CFAP61: variants seen among roughly 807,000 people sequenced by gnomAD.
CFAP61 encodes the protein cilia- and flagella-associated protein 61.
In CFAP61, 107 loss-of-function variants were observed where a neutral mutation model predicts 135.6. That is an observed-to-expected ratio of 0.79 (90% CI 0.67 to 0.93). The LOEUF is 0.93. CFAP61 is among the 40% of genes least tolerant of loss of function. The probability of loss-of-function intolerance (pLI) is 0.00; values close to 1 mark genes in which losing one functional copy is unlikely to be tolerated. For synonymous variants in CFAP61, 575 were observed against 578.5 expected (o/e 0.99, Z 0.09); for missense variants, 1,507 against 1,556.2 (o/e 0.97, Z 0.53).
chr20:20,145,400 A>G (rs1461897768), intron 9 of CFAP61, among the ~76,000 whole-genome samples: 9 of 152,208 alleles, frequency 5.9e-5, no homozygotes, highest in South Asian at 2.1e-4. Flanking sequence ...TAATAAGCCT[A>G]TAGTTGAGAT....
intron 13 of CFAP61, chr20:20,171,893 G>A: frequency 3.2e-6 from 2 of 622,706 alleles, no homozygotes; most frequent in Non-Finnish European, 5.8e-6. Flanking sequence ...TGTGCTCAGA[G>A]CTAGCTCGGA....
intron 3 of CFAP61, among the ~76,000 whole-genome samples, chr20:20,072,878 G>C (rs1414631236): frequency 3.9e-5 from 6 of 152,024 alleles, no homozygotes; most frequent in Non-Finnish European, 7.4e-5. Context: ...AATATATTAG[G>C]TTAAATATTA....
intron 25 of CFAP61, among the ~76,000 whole-genome samples, chr20:20,318,122 G>A (rs1440504898): frequency 6.6e-6 from 1 of 152,186 alleles, no homozygotes; most frequent in Non-Finnish European, 1.5e-5. Context: ...CCTCAGGACA[G>A]ATCTGCAAGT....
intron 8 of CFAP61, among the ~76,000 whole-genome samples, chr20:20,106,001 T>TATAC (rs1491391097): frequency 0.32 from 2,078 of 6,562 alleles, 202 homozygotes; most frequent in Non-Finnish European, 0.35. Flanking sequence ...TACTCTTGCC[T>TATAC]ATATATATAT....
chr20:20,213,009 G>C (rs2047767960), intron 17 of CFAP61, among the ~76,000 whole-genome samples: 1 of 152,118 alleles, frequency 6.6e-6, no homozygotes, highest in South Asian at 2.1e-4. Context: ...GGGAGGGGAG[G>C]GTGGGAACAG....
At chr20:20,157,592 C>T (rs762299441) in intron 9 of CFAP61, among the ~76,000 whole-genome samples, 37 of 152,134 alleles carry the variant, frequency 2.4e-4, no homozygotes, top group Non-Finnish European at 4.3e-4. Flanking sequence ...CAATCCATAC[C>T]TCACACCATA....
At chr20:20,092,346 C>T (rs2047261225) in intron 7 of CFAP61, among the ~76,000 whole-genome samples, 1 of 152,132 alleles carries the variant, frequency 6.6e-6, no homozygotes, top group Non-Finnish European at 1.5e-5. Flanking sequence ...ATCAGAAGGC[C>T]CAGCCTATTG....
At chr20:20,094,122 T>C (rs1025922314) in intron 7 of CFAP61, among the ~76,000 whole-genome samples, 8 of 152,344 alleles carry the variant, frequency 5.3e-5, no homozygotes, top group East Asian at 3.9e-4. Context: ...AAGGTGACAA[T>C]TGGCCCCTGG....
intron 18 of CFAP61, among the ~76,000 whole-genome samples, chr20:20,237,343 G>T (rs371377201): frequency 6.6e-6 from 1 of 152,114 alleles, no homozygotes; most frequent in Non-Finnish European, 1.5e-5. Flanking sequence ...GTTTCTCCAG[G>T]TCGCATCCTC....
chr20:20,250,756 A>G (rs1166979820), intron 19 of CFAP61, among the ~76,000 whole-genome samples: 2 of 152,238 alleles, frequency 1.3e-5, no homozygotes, highest in Non-Finnish European at 2.9e-5. Flanking sequence ...CCTGAGGTCA[A>G]TCCTTTCAGA....
At chr20:20,063,082 A>T (rs1392683889) in intron 2 of CFAP61, among the ~76,000 whole-genome samples, 1 of 152,246 alleles carries the variant, frequency 6.6e-6, no homozygotes, top group Non-Finnish European at 1.5e-5. Context: ...CATTAAATTG[A>T]ATCGTTAGTT....
chr20:20,284,444 C>T (rs777515695), intron 22 of CFAP61, among the ~76,000 whole-genome samples: 7 of 152,052 alleles, frequency 4.6e-5, no homozygotes, highest in Non-Finnish European at 1.0e-4. Context: ...TGCCACCACA[C>T]CCGGCTATTT....
intron 25 of CFAP61, among the ~76,000 whole-genome samples, chr20:20,313,789 G>A (rs2056961796): frequency 6.6e-6 from 1 of 152,194 alleles, no homozygotes; most frequent in Non-Finnish European, 1.5e-5. Context: ...AAGCTGGGGA[G>A]TTCAACAGTG....
At chr20:20,356,160 G>T (rs1216792355) in intron 26 of CFAP61, among the ~76,000 whole-genome samples, 1 of 140,474 alleles carries the variant, frequency 7.1e-6, no homozygotes, top group Non-Finnish European at 1.6e-5. Context: ...ACACTGAGGG[G>T]AAGTGGTCAC....
intron 18 of CFAP61, among the ~76,000 whole-genome samples, chr20:20,230,848 G>A (rs1309168978): frequency 2.6e-5 from 4 of 152,152 alleles, no homozygotes; most frequent in Admixed American, 1.3e-4. Context: ...GGGCCACAGC[G>A]CCCTGCTGCC....
intron 25 of CFAP61, among the ~76,000 whole-genome samples, chr20:20,332,749 G>A (rs1473691981): frequency 2.6e-5 from 4 of 151,990 alleles, no homozygotes; most frequent in Non-Finnish European, 5.9e-5. Flanking sequence ...CAAATAGCTA[G>A]GACTACAGGC....
intron 26 of CFAP61, among the ~76,000 whole-genome samples, chr20:20,358,139 A>G (rs1260365696): frequency 2.3e-3 from 202 of 86,212 alleles, no homozygotes; most frequent in South Asian, 2.9e-3. Flanking sequence ...TCACACTGAG[A>G]GGAGGTGGTC....
At chr20:20,246,556 G>A (rs73607407) in intron 19 of CFAP61, among the ~76,000 whole-genome samples, 10,206 of 152,224 alleles carry the variant, frequency 0.067, 1,154 homozygotes, top group East Asian at 0.53. Flanking sequence ...CTGACAGGGC[G>A]CCTGGCTGGG....
chr20:20,080,226 ACT>A (rs745908218), intron 6 of CFAP61, among the ~76,000 whole-genome samples: 5 of 151,988 alleles, frequency 3.3e-5, no homozygotes, highest in East Asian at 1.9e-4. Flanking sequence ...GCATACATGC[ACT>A]CTCTCTACAT....
Sources: gnomAD v4.1 joint callset for allele counts (sites outside exome capture counted in the v4.1 genomes callset) on GRCh38, gnomAD v4.1.1 for gene constraint, MANE v1.5 for transcripts, NCBI Gene and HGNC (gene_info 2026-07-23, HGNC 2026-07-21) for gene names.